SOX6: variants seen among roughly 807,000 people sequenced by gnomAD.
The protein encoded by SOX6 is SRY-box transcription factor 6.
Under a neutral mutation model 97.8 loss-of-function variants are expected in SOX6, and 11 were observed. The observed-to-expected ratio is 0.11, with a 90% confidence interval of 0.07 to 0.19. The LOEUF (loss-of-function observed/expected upper bound fraction) is 0.19. SOX6 is among the 10% of genes least tolerant of loss of function. The pLI is 1.00. For synonymous variants in SOX6, 360 were observed against 371.4 expected (o/e 0.97, Z 0.35); for missense variants, 810 against 1,039.5 (o/e 0.78, Z 3.04).
chr11:16,286,640 G>T (rs1854752256), intron 3 of SOX6, among the ~76,000 whole-genome samples: 1 of 152,038 alleles, frequency 6.6e-6, no homozygotes, highest in Non-Finnish European at 1.5e-5. Flanking sequence ...AATGCTAGCA[G>T]ACATATTTTG....
intron 3 of SOX6, among the ~76,000 whole-genome samples, chr11:16,706,467 AAAAAATATATATATATATATAT>A (rs1848134355): frequency 4.8e-4 from 11 of 23,134 alleles, no homozygotes; most frequent in Non-Finnish European, 6.7e-4. Flanking sequence ...AAAAAAAAAA[AAAAAATATATATATATATATAT>A]ATATATATAT....
rs1337083250 is a variant in SOX6, at chr11:16,356,092, A to C, written c.-5+2T>G. 6.6e-6 allele frequency among the ~76,000 whole-genome samples: 1 copy of C among 152,018 alleles called. No homozygotes were observed. The highest frequency in any genetic ancestry group is 1.5e-5 in the Non-Finnish European group (1 of 67,992). The stretch of plus-strand genomic sequence containing the variant: ...CAGCTAAAGGAAGCACAAATCACTC[A>C]CATGAAGTGGCTGCTCTTCCACTCT... On this transcript the variant is annotated splice_donor_variant, in intron 1 of 15. Coordinates refer to ENST00000683767, the MANE Select transcript of SOX6 (RefSeq NM_001367873.1). LOFTEE classifies it low-confidence loss of function (5UTR_SPLICE).
intron 4 of SOX6, among the ~76,000 whole-genome samples, chr11:16,205,701 A>ACC (rs1852054178): frequency 6.6e-6 from 1 of 152,150 alleles, no homozygotes; most frequent in East Asian, 1.9e-4. Flanking sequence ...AAAAAATAGT[A>ACC]CTATGCTCAT....
intron 4 of SOX6, among the ~76,000 whole-genome samples, chr11:16,231,989 C>T (rs189168443): frequency 2.3e-3 from 352 of 151,756 alleles, no homozygotes; most frequent in African/African-American, 8.2e-3. Context: ...AAGATAATTT[C>T]ACTACCTTTT....
chr11:16,675,051 A>T (rs1040867502), intron 3 of SOX6, among the ~76,000 whole-genome samples: 2 of 152,242 alleles, frequency 1.3e-5, no homozygotes, highest in African/African-American at 4.8e-5. Flanking sequence ...TCCACAAAAA[A>T]CTACTAGAAT....
chr11:16,523,481 C>G (rs549579367), intron 4 of SOX6, among the ~76,000 whole-genome samples: 1 of 151,880 alleles, frequency 6.6e-6, no homozygotes, highest in Admixed American at 6.6e-5. Flanking sequence ...ACATTCAAAG[C>G]AGTGTGTAGA....
intron 1 of SOX6, among the ~76,000 whole-genome samples, chr11:16,400,754 T>C (rs916668459): frequency 1.7e-4 from 25 of 151,480 alleles, no homozygotes; most frequent in African/African-American, 6.0e-4. Flanking sequence ...GTAAACAAGC[T>C]AGACATGTTC....
chr11:16,644,675 T>C (rs1848984834), intron 3 of SOX6, among the ~76,000 whole-genome samples: 1 of 152,234 alleles, frequency 6.6e-6, no homozygotes, highest in South Asian at 2.1e-4. Context: ...ATTTTTGTAA[T>C]ATTATATAAT....
chr11:16,301,740 T>C (rs1393057635), intron 3 of SOX6, among the ~76,000 whole-genome samples: 1 of 152,152 alleles, frequency 6.6e-6, no homozygotes, highest in Non-Finnish European at 1.5e-5. Flanking sequence ...ACAATGTTCA[T>C]TGTTGCAACC....
chr11:16,022,253 T>C (rs1286568539), intron 12 of SOX6, among the ~76,000 whole-genome samples: 6 of 152,150 alleles, frequency 3.9e-5, no homozygotes, highest in Non-Finnish European at 7.3e-5. Context: ...CAAAGGTCAA[T>C]ATCCTTTCTC....
At chr11:16,136,251 C>CTCG (rs1209491223) in intron 6 of SOX6, among the ~76,000 whole-genome samples, 2 of 151,888 alleles carry the variant, frequency 1.3e-5, no homozygotes, top group Admixed American at 6.6e-5. Flanking sequence ...ATCTCCTGAC[C>CTCG]TCGTCATCCA....
chr11:16,104,641 T>C (rs1849029522), intron 7 of SOX6, among the ~76,000 whole-genome samples: 1 of 150,570 alleles, frequency 6.6e-6, no homozygotes, highest in Non-Finnish European at 1.5e-5. Context: ...TAAATGAGAT[T>C]ACACACATAC....
chr11:16,277,889 T>C (rs761558153), intron 3 of SOX6, among the ~76,000 whole-genome samples: 10 of 152,216 alleles, frequency 6.6e-5, no homozygotes, highest in Non-Finnish European at 1.5e-4. Flanking sequence ...TTTGTGGCCT[T>C]GGTTAGGCCA....
At chr11:16,328,891 G>C (rs1308680046) in intron 2 of SOX6, among the ~76,000 whole-genome samples, 3 of 152,122 alleles carry the variant, frequency 2.0e-5, no homozygotes, top group African/African-American at 7.2e-5. Flanking sequence ...TAAAGAAAAG[G>C]ATTGGGTTAA....
At chr11:16,622,123 T>C (rs1848553166) in intron 3 of SOX6, among the ~76,000 whole-genome samples, 1 of 152,188 alleles carries the variant, frequency 6.6e-6, no homozygotes, top group Admixed American at 6.5e-5. Flanking sequence ...TGTGTGACAA[T>C]GGACCTCTAC....
intron 3 of SOX6, among the ~76,000 whole-genome samples, chr11:16,660,919 T>C (rs572532204): frequency 5.9e-5 from 9 of 152,368 alleles, no homozygotes; most frequent in Non-Finnish European, 1.0e-4. Context: ...TTTGGTATTT[T>C]TGTTACAGCA....
intron 12 of SOX6, among the ~76,000 whole-genome samples, chr11:16,020,201 C>T (rs1237894322): frequency 6.6e-6 from 1 of 152,026 alleles, no homozygotes; most frequent in Non-Finnish European, 1.5e-5. Context: ...TCTGTCCAGG[C>T]GATGATCCAG....
chr11:16,144,362 G>A (rs1183628684), intron 6 of SOX6, among the ~76,000 whole-genome samples: 2 of 152,114 alleles, frequency 1.3e-5, no homozygotes, highest in Non-Finnish European at 2.9e-5. Flanking sequence ...GTGTGTAGAG[G>A]GAAATTTATA....
intron 3 of SOX6, among the ~76,000 whole-genome samples, chr11:16,639,221 T>C (rs1848849538): frequency 6.6e-6 from 1 of 152,190 alleles, no homozygotes; most frequent in African/African-American, 2.4e-5. Context: ...GATCAGATAG[T>C]TGTAGATGTG....
Sources: allele counts gnomAD v4.1 joint callset (sites outside exome capture counted in the v4.1 genomes callset), GRCh38; gene constraint gnomAD v4.1.1; transcripts MANE v1.5; gene names NCBI Gene and HGNC (gene_info 2026-07-23, HGNC 2026-07-21).